Variants in PITPNC1 observed in about 807,000 individuals in gnomAD.
PITPNC1 encodes phosphatidylinositol transfer protein cytoplasmic 1.
A neutral mutation model predicts 44.7 loss-of-function variants in PITPNC1; 18 were observed. That is an observed-to-expected ratio of 0.40 (90% CI 0.28 to 0.60). The LOEUF (loss-of-function observed/expected upper bound fraction) is 0.60. Among genes scored for constraint, PITPNC1 ranks in the 20% least tolerant of loss-of-function variants. The pLI is 0.39. For synonymous variants in PITPNC1, 141 were observed against 149.6 expected, an observed-to-expected ratio of 0.94 and a Z score of 0.42; for missense variants, 290 against 418.4, an observed-to-expected ratio of 0.69 and a Z score of 2.68.
chr17:67,488,532 G>T (rs894981413), intron 1 of PITPNC1, among the ~76,000 whole-genome samples: 1 of 152,354 alleles, frequency 6.6e-6, no homozygotes, highest in Non-Finnish European at 1.5e-5. Context: ...GCGAACGAAG[G>T]AAGGGCCACA....
At chr17:67,609,062 A>G (rs1183411614) in intron 5 of PITPNC1, among the ~76,000 whole-genome samples, 1 of 151,478 alleles carries the variant, frequency 6.6e-6, no homozygotes, top group Non-Finnish European at 1.5e-5. Context: ...GGGTCTTCCT[A>G]TGTTGCCCAG....
At chr17:67,509,107 G>A (rs1403963396) in intron 1 of PITPNC1, among the ~76,000 whole-genome samples, 2 of 151,912 alleles carry the variant, frequency 1.3e-5, no homozygotes, top group Admixed American at 1.3e-4. Context: ...GGTGGTGCAC[G>A]CCTGTAATCC....
chr17:67,444,030 A>G (rs1012984870), intron 1 of PITPNC1, among the ~76,000 whole-genome samples: 4 of 151,936 alleles, frequency 2.6e-5, no homozygotes, highest in Non-Finnish European at 5.9e-5. Flanking sequence ...ATTTTTTACT[A>G]TGGAAACTTT....
chr17:67,658,649 C>G (rs1030138542), intron 6 of PITPNC1, among the ~76,000 whole-genome samples: 12 of 152,150 alleles, frequency 7.9e-5, no homozygotes, highest in Non-Finnish European at 1.6e-4. Flanking sequence ...AATCCTGCAT[C>G]ACTGGTTTTT....
At chr17:67,627,465 A>G (rs2041910008) in intron 5 of PITPNC1, among the ~76,000 whole-genome samples, 1 of 152,214 alleles carries the variant, frequency 6.6e-6, no homozygotes, top group Non-Finnish European at 1.5e-5. Flanking sequence ...CAGTGGTTGG[A>G]CTAAAGGATG....
intron 1 of PITPNC1, among the ~76,000 whole-genome samples, chr17:67,416,007 A>C (rs758792417): frequency 6.6e-6 from 1 of 152,112 alleles, no homozygotes; most frequent in African/African-American, 2.4e-5. Flanking sequence ...TTGAAGAACA[A>C]TTGTAAAAAT....
chr17:67,621,562 C>A (rs748391926), intron 5 of PITPNC1, among the ~76,000 whole-genome samples: 1 of 152,134 alleles, frequency 6.6e-6, no homozygotes, highest in Admixed American at 6.6e-5. Context: ...CATATAATAT[C>A]GATTAAATTG....
At chr17:67,468,391 C>T (rs2039458307) in intron 1 of PITPNC1, among the ~76,000 whole-genome samples, 1 of 137,460 alleles carries the variant, frequency 7.3e-6, no homozygotes, top group Admixed American at 8.1e-5. Flanking sequence ...GAACAGGTGG[C>T]TTTCTTTCCT....
chr17:67,566,207 T>C (rs1458725535), intron 4 of PITPNC1, among the ~76,000 whole-genome samples: 1 of 152,140 alleles, frequency 6.6e-6, no homozygotes, highest in Non-Finnish European at 1.5e-5. Context: ...GTTTTTTGTT[T>C]GTTTGTTGTT....
At position 67,441,281 on chromosome 17, in the gene PITPNC1, C is replaced by CG. The variant is rs577561841; in HGVS notation, c.48+63079_48+63080insG. Among the ~76,000 whole-genome samples the CG allele has an allele frequency of 1.0e-3, 155 of 149,560 alleles. 5 individuals are homozygous for CG. The South Asian group carries it at 0.033, about 32-fold the overall frequency. On this transcript the variant is annotated intron_variant, in intron 1 of 8. Coordinates refer to ENST00000581322, the MANE Select transcript of PITPNC1 (RefSeq NM_012417.4). ...TCGCAGGCTTGTATTTATTAAGCCCCCCCCCGCCACCCATCAGTCCCCAGT... is the reference window on the plus strand; with the variant it reads ...TCGCAGGCTTGTATTTATTAAGCCCCGCCCCCGCCACCCATCAGTCCCCAGT...
At chr17:67,576,738 G>C (rs927588960) in intron 4 of PITPNC1, among the ~76,000 whole-genome samples, 1 of 152,192 alleles carries the variant, frequency 6.6e-6, no homozygotes, top group African/African-American at 2.4e-5. Flanking sequence ...TGTAGGGCTG[G>C]GTTGCATTTG....
chr17:67,387,649 G>A (rs2038074838), intron 1 of PITPNC1, among the ~76,000 whole-genome samples: 1 of 152,174 alleles, frequency 6.6e-6, no homozygotes, highest in Admixed American at 6.5e-5. Flanking sequence ...GGCTGACAGA[G>A]CGAAACTCTG....
At chr17:67,579,454 G>A (rs1273203874) in intron 5 of PITPNC1, among the ~76,000 whole-genome samples, 1 of 152,066 alleles carries the variant, frequency 6.6e-6, no homozygotes. Context: ...GAACCCCATC[G>A]TTAGTGTCTC....
chr17:67,402,006 T>C (rs1219675725), intron 1 of PITPNC1, among the ~76,000 whole-genome samples: 1 of 152,216 alleles, frequency 6.6e-6, no homozygotes, highest in Non-Finnish European at 1.5e-5. Context: ...TTAGAAAATA[T>C]TGAACGCAAT....
chr17:67,409,005 T>C (rs1004240347), intron 1 of PITPNC1: 1 of 151,904 alleles, frequency 6.6e-6, no homozygotes. Context: ...AGCTCTTACA[T>C]TTAGGTCTTT....
At chr17:67,575,839 CTTCTTTCTTTCTTTCTTTCCTTCCTTCT>C (rs2041137745) in intron 4 of PITPNC1, among the ~76,000 whole-genome samples, 3 of 92,904 alleles carry the variant, frequency 3.2e-5, no homozygotes, top group Admixed American at 2.4e-4. Context: ...TCCTTCCTTC[CTTCTTTCTTTCTTTCTTTCCTTCCTTCT>C]TTCTTTCTTT....
chr17:67,411,231 A>G (rs746379942), intron 1 of PITPNC1, among the ~76,000 whole-genome samples: 6 of 152,158 alleles, frequency 3.9e-5, no homozygotes, highest in African/African-American at 4.8e-5. Context: ...GCCCTATTTC[A>G]TGATCTCATT....
intron 5 of PITPNC1, among the ~76,000 whole-genome samples, chr17:67,593,057 G>C (rs1228500600): frequency 6.6e-6 from 1 of 151,904 alleles, no homozygotes. Flanking sequence ...AGAAAGAAAA[G>C]AATGGATCCC....
At chr17:67,475,187 C>A (rs1420148427) in intron 1 of PITPNC1, among the ~76,000 whole-genome samples, 3 of 152,068 alleles carry the variant, frequency 2.0e-5, no homozygotes, top group Admixed American at 2.0e-4. Flanking sequence ...AAAGCGTTGC[C>A]GTGGTTCTAG....
Sources: gnomAD v4.1 joint callset for allele counts (sites outside exome capture counted in the v4.1 genomes callset) on GRCh38, gnomAD v4.1.1 for gene constraint, MANE v1.5 for transcripts, NCBI Gene and HGNC (gene_info 2026-07-23, HGNC 2026-07-21) for gene names.